The following CEP126 variants were observed in gnomAD, a reference collection of about 807,000 sequenced individuals.
CEP126 encodes centrosomal protein of 126 kDa.
In CEP126, 74 loss-of-function variants were observed where a neutral mutation model predicts 107.8. The observed-to-expected ratio is 0.69, with a 90% CI of 0.57 to 0.83. CEP126 has a LOEUF of 0.83. CEP126 is among the 40% of genes least tolerant of loss of function. CEP126 has a pLI of 0.00. For synonymous variants in CEP126, 449 were observed against 446.0 expected (o/e 1.01, Z -0.08); for missense variants, 1,237 against 1,281.9 (o/e 0.96, Z 0.53).
Position 101,915,075 on chromosome 11 carries a change from C to A in CEP126, c.-210C>A, listed in dbSNP as rs1007511092. 6 of 608,638 alleles carry A rather than the reference C, an allele frequency of 9.9e-6. No individual in the cohort carries two copies. Among genetic ancestry groups the A allele is most frequent in the Non-Finnish European group, 1.6e-5 (6 of 375,000 alleles). The allele number at this position is 608,638 out of a possible 1,614,324, so 37.7% of individuals were successfully genotyped here. ...TGCCGCCCCATCTGCTATTGCCCGG[C>A]GAGGTCGCCGCTGCCTCAGCTGCCA... On this transcript the variant is annotated 5_prime_UTR_variant, in exon 1 of 11. Transcript: ENST00000263468.
chr11:101,988,803 T>C (rs1353016879), intron 9 of CEP126, among the ~76,000 whole-genome samples: 2 of 151,994 alleles, frequency 1.3e-5, no homozygotes, highest in East Asian at 3.9e-4. Context: ...TATGTCACTT[T>C]ATGATGAGCA....
At chr11:101,942,576 T>C (rs1428987981) in intron 2 of CEP126, among the ~76,000 whole-genome samples, 1 of 150,010 alleles carries the variant, frequency 6.7e-6, no homozygotes, top group East Asian at 2.0e-4. Context: ...TTTTTTTTTT[T>C]CAGTATTATT....
Position 101,962,887 on chromosome 11 carries a change from G to A in CEP126, c.1852G>A (p.Glu618Lys). 2 of 1,608,738 alleles carry A rather than the reference G, an allele frequency of 1.2e-6. No homozygotes were observed. The highest frequency in any genetic ancestry group is 1.7e-6 in the Non-Finnish European group (2 of 1,178,392). The change falls in exon 6 of 11, where the codon GAA becomes AAA. Residue 618 changes from glutamate to lysine, a missense_variant. Coordinates refer to ENST00000263468, the MANE Select transcript of CEP126 (RefSeq NM_020802.4). ...CAGAGATAGTATTGAATTAACAAAG[G>A]AAAAAGGTGCAGAAATTCCAAAGAC... ...AIRDSIELTK[E>K]KGAEIPKTIK...
At chr11:101,990,046 T>C (rs1267984031) in intron 9 of CEP126, among the ~76,000 whole-genome samples, 1 of 152,098 alleles carries the variant, frequency 6.6e-6, no homozygotes, top group East Asian at 1.9e-4. Context: ...GAGAGGGAAA[T>C]GTCAGGTTCC....
At chr11:101,943,690 TA>T (rs554032882) in intron 2 of CEP126, among the ~76,000 whole-genome samples, 73 of 152,032 alleles carry the variant, frequency 4.8e-4, no homozygotes, top group African/African-American at 1.5e-3. Context: ...TGGCAGGGAT[TA>T]GGGGCAGGTG....
At position 101,936,946 on chromosome 11, in the gene CEP126, C is replaced by T. The variant is rs146408779; in HGVS notation, c.249-7319C>T. 1.7e-4 allele frequency among the ~76,000 whole-genome samples: 26 copies of T among 152,148 alleles called. No individual in the cohort carries two copies. In the East Asian group the frequency reaches 5.0e-3, roughly 29 times the overall value. On this transcript the variant is annotated intron_variant, in intron 2 of 10. Transcript: ENST00000263468. ...TTTATTTGCTAATACAGATTGAGTG[C>T]TCATTATCTCAAATGCTTGGAACTA...
chr11:101,994,579 C>G (rs1039580984), intron 10 of CEP126, among the ~76,000 whole-genome samples: 4 of 152,174 alleles, frequency 2.6e-5, no homozygotes, highest in African/African-American at 9.7e-5. Flanking sequence ...CTTCAATCTT[C>G]TGCACATGGC....
At chr11:101,981,783 G>A (rs895110402) in intron 7 of CEP126, 106 bp from the exon 8 acceptor site, 2 of 613,860 alleles carry the variant, frequency 3.3e-6, no homozygotes, top group Non-Finnish European at 5.7e-6. Flanking sequence ...ATGAACAATT[G>A]TAGCTAAAAA....
chr11:101,934,507 C>G (rs1837859929), intron 2 of CEP126, among the ~76,000 whole-genome samples: 1 of 152,010 alleles, frequency 6.6e-6, no homozygotes, highest in African/African-American at 2.4e-5. Context: ...TCTTATTACC[C>G]TTTTTCTGTT....
intron 6 of CEP126, among the ~76,000 whole-genome samples, chr11:101,964,408 G>A (rs957533770): frequency 8.6e-5 from 13 of 151,882 alleles, no homozygotes; most frequent in African/African-American, 1.5e-4. Flanking sequence ...CAAGGCACGC[G>A]GATTTACTTG....
chr11:101,994,595 A>C (rs1243987681), intron 10 of CEP126, among the ~76,000 whole-genome samples: 1 of 152,214 alleles, frequency 6.6e-6, no homozygotes, highest in Non-Finnish European at 1.5e-5. Context: ...ATGGCTATCC[A>C]GTTATCCCAG....
Position 101,962,323 on chromosome 11 carries a change from G to A in CEP126, c.1288G>A (p.Glu430Lys). ...AAGCACTTCAGATTCTCTAACCCAGGAAGTGGCTACATTTCCAGACCAAGA... is the reference window on the plus strand; with the variant it reads ...AAGCACTTCAGATTCTCTAACCCAGAAAGTGGCTACATTTCCAGACCAAGA... ...SQSTSDSLTQ[E>K]VATFPDQEKY... The change falls in exon 6 of 11, where the codon GAA becomes AAA. Residue 430 changes from glutamate to lysine, a missense_variant. Around this residue, in one of 3 missense-constraint regions of CEP126, gnomAD observed 1,134 missense variants for 1,150.5 expected, o/e 0.99. Coordinates refer to ENST00000263468, the MANE Select transcript of CEP126 (RefSeq NM_020802.4). 6.2e-7 allele frequency: 1 copy of A among 1,613,526 alleles called. No individual in the cohort carries two copies. Among genetic ancestry groups the A allele is most frequent in the Non-Finnish European group, 8.5e-7 (1 of 1,179,786 alleles).
In CEP126 at chr11:101,999,047, T is replaced by C. The variant is rs1941477242; in HGVS notation, c.*1404T>C. The C allele has an allele frequency of 6.6e-6, 1 of 152,144 alleles. No homozygotes were observed. The highest frequency in any genetic ancestry group is 1.5e-5 in the Non-Finnish European group (1 of 68,016). 9.4% of individuals were successfully genotyped at this position (152,144 alleles called of 1,614,324 possible). ...AAAATTGACCTAATGAAGGAAACAT[T>C]TGTGCTTTCCTATATTTTTAATTTT... On this transcript the variant is annotated 3_prime_UTR_variant, in exon 11 of 11. Transcript: ENST00000263468.
chr11:101,953,097 C>T (rs545346153), intron 4 of CEP126, among the ~76,000 whole-genome samples: 15 of 152,248 alleles, frequency 9.9e-5, no homozygotes, highest in South Asian at 2.1e-4. Context: ...CTGGATAAGA[C>T]GCCCCATGTT....
chr11:101,994,008 C>G (rs1317328449), intron 10 of CEP126, among the ~76,000 whole-genome samples: 1 of 152,110 alleles, frequency 6.6e-6, no homozygotes, highest in Non-Finnish European at 1.5e-5. Flanking sequence ...CCGAGGCTGG[C>G]TGGTCACCTG....
At chr11:101,915,805 C>G (rs1052054436) in intron 1 of CEP126, among the ~76,000 whole-genome samples, 11 of 152,160 alleles carry the variant, frequency 7.2e-5, no homozygotes, top group Admixed American at 6.5e-4. Flanking sequence ...GTTTTGCTAT[C>G]CTAAAGAGTC....
At chr11:101,950,747 T>C (rs939730607) in intron 4 of CEP126, among the ~76,000 whole-genome samples, 8 of 152,132 alleles carry the variant, frequency 5.3e-5, no homozygotes, top group African/African-American at 1.9e-4. Context: ...TTATTCAGAG[T>C]GTCGGGACTA....
chr11:101,946,934 T>C (rs772705273), intron 3 of CEP126, among the ~76,000 whole-genome samples: 5 of 152,130 alleles, frequency 3.3e-5, no homozygotes, highest in African/African-American at 4.8e-5. Context: ...TTTTAAACAT[T>C]CAATAAATAA....
chr11:101,956,682 A>G (rs1431535956), intron 4 of CEP126: 3 of 453,968 alleles, frequency 6.6e-6, no homozygotes, highest in East Asian at 7.0e-5. Context: ...TCTCCTTTGC[A>G]TTCATCTTCC....
Sources: allele counts gnomAD v4.1 joint callset (sites outside exome capture counted in the v4.1 genomes callset), GRCh38; gene constraint gnomAD v4.1.1; regional missense constraint gnomAD v4.1.1; transcripts MANE v1.5; gene names NCBI Gene and HGNC (gene_info 2026-07-23, HGNC 2026-07-21).